NUP160: variants seen among roughly 807,000 people sequenced by gnomAD.
NUP160 encodes the protein nucleoporin 160.
A neutral mutation model predicts 196.9 loss-of-function variants in NUP160; 94 were observed. The observed-to-expected ratio is 0.48, with a 90% CI of 0.40 to 0.57. The LOEUF is 0.57. Ranked by LOEUF, NUP160 falls within the 20% of genes least tolerant of loss-of-function variation. The pLI, the probability that NUP160 is intolerant of heterozygous loss-of-function variation, is 0.00. For missense variants in NUP160, 1,638 were observed against 1,748.3 expected (o/e 0.94, Z 1.13); for synonymous variants, 605 against 619.7 (o/e 0.98, Z 0.35).
chr11:47,810,667 C>T (rs1253858293), intron 17 of NUP160, among the ~76,000 whole-genome samples: 1 of 151,906 alleles, frequency 6.6e-6, no homozygotes, highest in African/African-American at 2.4e-5. Flanking sequence ...ATGCCTTAGC[C>T]TCCTGAATGG....
At chr11:47,831,894 C>CTTTTTTTTTTTTTTTTTT (rs554204043) in intron 7 of NUP160, among the ~76,000 whole-genome samples, 4 of 69,982 alleles carry the variant, frequency 5.7e-5, no homozygotes, top group African/African-American at 2.5e-4. Flanking sequence ...TAATAAATTC[C>CTTTTTTTTTTTTTTTTTT]TTTTTTTTTT....
At position 47,803,425 on chromosome 11, in the gene NUP160, A is replaced by C. The variant is rs775824222; in HGVS notation, c.2775+13T>G. ...AGTTTATAAAGTTTATTTGCCATTCAAATGTAGTTTACCTTCTGTCCTTCT... is the reference window on the plus strand; with the variant it reads ...AGTTTATAAAGTTTATTTGCCATTCCAATGTAGTTTACCTTCTGTCCTTCT... On this transcript the variant is annotated intron_variant, in intron 22 of 35. Coordinates refer to ENST00000378460, the Ensembl canonical transcript of NUP160. The C allele has an allele frequency of 1.1e-5, 17 of 1,498,570 alleles. No homozygotes were observed. Among genetic ancestry groups the C allele is most frequent in the Non-Finnish European group, 1.5e-5 (16 of 1,075,280 alleles). The allele number at this position is 1,498,570 out of a possible 1,614,324, so 92.8% of individuals were successfully genotyped here.
At chr11:47,781,280 TCA>T (rs1291357795) in intron 34 of NUP160, among the ~76,000 whole-genome samples, 1 of 151,928 alleles carries the variant, frequency 6.6e-6, no homozygotes, top group Non-Finnish European at 1.5e-5. Context: ...CTTTTTTTTT[TCA>T]GACAGGGTCT....
Position 47,837,009 on chromosome 11 carries a change from A to G in NUP160, c.828-8T>C, listed in dbSNP as rs761790572. ...GAAGGCGACTGGTCACCCCTAAAAC[A>G]TAAGACCCAGTTTTAGAGTTTTACT... is the stretch of plus-strand genomic sequence containing the variant. On this transcript the variant is annotated splice_polypyrimidine_tract_variant and splice_region_variant and intron_variant, in intron 5 of 35. Transcript: ENST00000378460. The G allele has an allele frequency of 3.9e-6, 6 of 1,551,830 alleles. No homozygotes were observed. The East Asian group carries it at 9.0e-5, about 23-fold the overall frequency.
chr11:47,826,665 C>A (rs1851974004), intron 7 of NUP160, among the ~76,000 whole-genome samples: 1 of 151,336 alleles, frequency 6.6e-6, no homozygotes, highest in Non-Finnish European at 1.5e-5. Context: ...TGGGTTCAAG[C>A]AATTCTCCTG....
intron 7 of NUP160, among the ~76,000 whole-genome samples, chr11:47,830,673 G>C (rs1311680657): frequency 6.6e-6 from 1 of 152,078 alleles, no homozygotes; most frequent in Non-Finnish European, 1.5e-5. Flanking sequence ...TTATGAACAC[G>C]AAGAAGGAAA....
intron 7 of NUP160, among the ~76,000 whole-genome samples, chr11:47,827,371 A>AC (rs1851992007): frequency 6.6e-6 from 1 of 151,890 alleles, no homozygotes; most frequent in Non-Finnish European, 1.5e-5. Context: ...CTCAAAAAAA[A>AC]AAAAAAAATT....
intron 9 of NUP160, among the ~76,000 whole-genome samples, chr11:47,819,772 CTT>C (rs1851818494): frequency 1.3e-5 from 2 of 152,114 alleles, no homozygotes; most frequent in African/African-American, 2.4e-5. Context: ...GAATAACTAA[CTT>C]TTATTCTGCA....
At chr11:47,808,209 A>T (rs2097678893) in intron 18 of NUP160, among the ~76,000 whole-genome samples, 187 bp downstream of exon 18, 1 of 152,182 alleles carries the variant, frequency 6.6e-6, no homozygotes, top group Admixed American at 6.6e-5. Context: ...TGAACCTGGG[A>T]GGCGGAGGTT....
intron 7 of NUP160, among the ~76,000 whole-genome samples, chr11:47,832,297 A>C (rs139473116): frequency 2.0e-5 from 3 of 152,296 alleles, no homozygotes; most frequent in Non-Finnish European, 4.4e-5. Context: ...TAGTTTAAAT[A>C]ATAATAGCCC....
intron 32 of NUP160, 35 bp from the exon 33 acceptor site, chr11:47,785,098 A>ATTATTTTTTTTTTT: frequency 2.6e-6 from 3 of 1,137,362 alleles, no homozygotes; most frequent in Non-Finnish European, 3.7e-6. Context: ...TGAGTTTCAG[A>ATTATTTTTTTTTTT]TTCTTAATAG....
chr11:47,835,551 G>GAAACCCAACACATCAC (rs2135398190), intron 7 of NUP160, 100 bp downstream of exon 7: 1 of 950,880 alleles, frequency 1.1e-6, no homozygotes, highest in Non-Finnish European at 1.5e-6. Context: ...AACACATCTA[G>GAAACCCAACACATCAC]GTCGGTGAAA....
At chr11:47,801,724 G>T in intron 23 of NUP160, 87 bp downstream of exon 23, 1 of 1,230,828 alleles carries the variant, frequency 8.1e-7, no homozygotes, top group Non-Finnish European at 1.1e-6. Context: ...AATTTTTATA[G>T]TATTTTTCTC....
At chr11:47,822,745 G>A (rs1299231776) in intron 7 of NUP160, among the ~76,000 whole-genome samples, 5 of 152,138 alleles carry the variant, frequency 3.3e-5, no homozygotes, top group Admixed American at 1.3e-4. Flanking sequence ...ACAGGTGCCA[G>A]TGTGTGACGT....
In NUP160 at chr11:47,834,214, G is replaced by A. The variant is rs1852130167; in HGVS notation, c.1101+1437C>T. ...CTCGGTAAGAGTATAATAGGGTCCC[G>A]AGACCAAAAGTTTGAGAACCACTAT... On this transcript the variant is annotated intron_variant, in intron 7 of 35. Coordinates refer to ENST00000378460, the Ensembl canonical transcript of NUP160. Among the ~76,000 whole-genome samples the A allele has an allele frequency of 1.3e-5, 2 of 152,070 alleles. 1 individual carries two copies. Among genetic ancestry groups the A allele is most frequent in the South Asian group, 4.2e-4 (2 of 4,814 alleles).
intron 11 of NUP160, among the ~76,000 whole-genome samples, chr11:47,817,734 C>CT (rs1167790764): frequency 6.6e-6 from 1 of 152,128 alleles, no homozygotes; most frequent in African/African-American, 2.4e-5. Context: ...CAAAAAACCA[C>CT]TTTAAGTTTC....
At chr11:47,836,170 C>T (rs926585442) in intron 6 of NUP160, among the ~76,000 whole-genome samples, 1 of 152,096 alleles carries the variant, frequency 6.6e-6, no homozygotes, top group Non-Finnish European at 1.5e-5. Flanking sequence ...ATCACTTGAA[C>T]CTGGGAGGCG....
At chr11:47,815,611 C>T in exon 13 of NUP160, 2 of 1,610,248 alleles carry the variant, frequency 1.2e-6, no homozygotes, top group Non-Finnish European at 1.7e-6. Flanking sequence ...TTCGAAACTC[C>T]TCCTGGGAGA....
chr11:47,780,285 A>C, intron 35 of NUP160, 58 bp downstream of exon 35: 1 of 1,157,032 alleles, frequency 8.6e-7, no homozygotes, highest in Non-Finnish European at 1.3e-6. Context: ...TCAAGCTGTA[A>C]GGTGTAACTG....
Sources: gnomAD v4.1 joint callset for allele counts (sites outside exome capture counted in the v4.1 genomes callset) on GRCh38, gnomAD v4.1.1 for gene constraint, MANE v1.5 for transcripts, NCBI Gene and HGNC (gene_info 2026-07-23, HGNC 2026-07-21) for gene names.